Variants in ZNF431 observed in about 807,000 individuals in gnomAD.
The protein encoded by ZNF431 is zinc finger protein 431.
Under a neutral mutation model 57.0 loss-of-function variants are expected in ZNF431, and 34 were observed. That is an observed-to-expected ratio of 0.60 (90% CI 0.45 to 0.79). The LOEUF is 0.79. ZNF431 is among the 30% of genes least tolerant of loss of function. The pLI, the probability that ZNF431 is intolerant of heterozygous loss-of-function variation, is 0.00. For synonymous variants in ZNF431, 207 were observed against 220.3 expected, an observed-to-expected ratio of 0.94 and a Z score of 0.54; for missense variants, 607 against 667.1, an observed-to-expected ratio of 0.91 and a Z score of 0.99.
Position 21,192,742 on chromosome 19 carries a change from T to G in ZNF431, c.*8708T>G, listed in dbSNP as rs192754870. ...CAGTTTTTTTGGTTATATATGGCAT[T>G]TATTGGCTGAAGTGCATTTGTTCTA... On this transcript the variant is annotated 3_prime_UTR_variant, in exon 5 of 5. Transcript: ENST00000311048. 1 of 152,304 alleles carries G rather than the reference T, an allele frequency of 6.6e-6. No homozygotes were observed. Among genetic ancestry groups the G allele is most frequent in the African/African-American group, 2.4e-5 (1 of 41,558 alleles). 9.4% of individuals were successfully genotyped at this position (152,304 alleles called of 1,614,324 possible). A position where few individuals can be genotyped will look rare whatever the true frequency, so the allele number is the denominator to read the frequency against.
At chr19:21,159,506 G>A (rs2144970271) in intron 2 of ZNF431, among the ~76,000 whole-genome samples, 1 of 152,168 alleles carries the variant, frequency 6.6e-6, no homozygotes, top group Admixed American at 6.5e-5. Context: ...ACGAGTAGCT[G>A]GGACTACAGG....
intron 2 of ZNF431, among the ~76,000 whole-genome samples, chr19:21,148,327 A>G (rs1019248627): frequency 1.3e-5 from 2 of 152,178 alleles, no homozygotes; most frequent in Non-Finnish European, 2.9e-5. Flanking sequence ...AATCTATCCA[A>G]TTTTAATGTT....
In ZNF431 at chr19:21,183,310, T is replaced by A; in HGVS notation, c.1007T>A (p.Phe336Tyr). 4.3e-6 allele frequency: 7 copies of A among 1,613,534 alleles called. No individual in the cohort carries two copies. Among genetic ancestry groups the A allele is most frequent in the Non-Finnish European group, 5.9e-6 (7 of 1,179,824 alleles). ...TCTTCAACCCTTAGTACACATAAGT[T>A]CATTCATGCTGGAGAGAAACCCTAC... ...NQSSTLSTHKFIHAGEKPYKC... is the reference protein window; with the variant it reads ...NQSSTLSTHKYIHAGEKPYKC... Residue 336 changes from phenylalanine to tyrosine, a missense_variant, in exon 5 of 5, where the codon TTC becomes TAC. Coordinates refer to ENST00000311048, the MANE Select transcript of ZNF431 (RefSeq NM_133473.4).
intron 4 of ZNF431, among the ~76,000 whole-genome samples, chr19:21,169,392 C>T (rs1311647489): frequency 6.6e-6 from 1 of 152,008 alleles, no homozygotes; most frequent in Non-Finnish European, 1.5e-5. Flanking sequence ...TGACAATGGG[C>T]GCAATATAGT....
chr19:21,170,697 G>A (rs1970863065), intron 4 of ZNF431, among the ~76,000 whole-genome samples: 1 of 148,688 alleles, frequency 6.7e-6, no homozygotes, highest in South Asian at 2.1e-4. Context: ...TTTATGAGAT[G>A]GAGTGTCAAT....
chr19:21,149,547 G>A (rs1970206201), intron 2 of ZNF431: 1 of 209,120 alleles, frequency 4.8e-6, no homozygotes, highest in African/African-American at 2.4e-5. Context: ...AGAAGATTCA[G>A]TAGTTGTAAG....
intron 2 of ZNF431, among the ~76,000 whole-genome samples, chr19:21,165,738 C>G (rs986990311): frequency 4.6e-5 from 7 of 150,960 alleles, no homozygotes; most frequent in Non-Finnish European, 7.4e-5. Flanking sequence ...TTGCATGTGT[C>G]TGTCTTTGGA....
At chr19:21,158,071 C>A (rs748575529) in intron 2 of ZNF431, among the ~76,000 whole-genome samples, 10 of 151,936 alleles carry the variant, frequency 6.6e-5, no homozygotes, top group African/African-American at 2.4e-4. Flanking sequence ...TAGTTAACAG[C>A]GTTTTGGTAG....
In ZNF431 at chr19:21,184,138, T is replaced by G; in HGVS notation, c.*104T>G. ...AGGCTGAGGTGGGTGGATCACAAGG[T>G]CAAGAGATCGAGACCATCCTGGCCA... On this transcript the variant is annotated 3_prime_UTR_variant, in exon 5 of 5. Transcript: ENST00000311048. The G allele has an allele frequency of 1.0e-6, 1 of 1,001,200 alleles. No homozygotes were observed. The highest frequency in any genetic ancestry group is 1.4e-6 in the Non-Finnish European group (1 of 692,012). 62.0% of individuals were successfully genotyped at this position (1,001,200 alleles called of 1,614,324 possible).
At chr19:21,161,731 A>G (rs1970571796) in intron 2 of ZNF431, among the ~76,000 whole-genome samples, 1 of 151,448 alleles carries the variant, frequency 6.6e-6, no homozygotes, top group Admixed American at 6.6e-5. Context: ...TAGGCTCACT[A>G]CAACCTCCAC....
Position 21,193,844 on chromosome 19 carries a change from A to C in ZNF431, c.*9810A>C, listed in dbSNP as rs1237935780. ...ATTCAAGAAAATCCAGTATTCATTT[A>C]TGAAAATATTCTCTAAGCAATGATG... On this transcript the variant is annotated 3_prime_UTR_variant, in exon 5 of 5. Coordinates refer to ENST00000311048, the MANE Select transcript of ZNF431 (RefSeq NM_133473.4). 1 of 152,222 alleles carries C rather than the reference A, an allele frequency of 6.6e-6. No homozygotes were observed. The highest frequency in any genetic ancestry group is 2.4e-5 in the African/African-American group (1 of 41,462). 9.4% of individuals were successfully genotyped at this position (152,222 alleles called of 1,614,324 possible). A position where few individuals can be genotyped will look rare whatever the true frequency, so the allele number is the denominator to read the frequency against.
Position 21,185,009 on chromosome 19 carries a change from TAATA to T in ZNF431, c.*979_*982del, listed in dbSNP as rs1187754601. On this transcript the variant is annotated 3_prime_UTR_variant, in exon 5 of 5. Coordinates refer to ENST00000311048, the MANE Select transcript of ZNF431 (RefSeq NM_133473.4). Reference sequence around the variant, plus strand: ...TTTATATTGAAAAATTGTGCAAATATAATAAATTTGGAAAAACAATTTTTCAAAA... The same window carrying T: ...TTTATATTGAAAAATTGTGCAAATATAATTTGGAAAAACAATTTTTCAAAA... 1 of 152,152 alleles carries T rather than the reference TAATA, an allele frequency of 6.6e-6. No homozygotes were observed. Among genetic ancestry groups the T allele is most frequent in the Non-Finnish European group, 1.5e-5 (1 of 68,008 alleles). 9.4% of individuals were successfully genotyped at this position (152,152 alleles called of 1,614,324 possible).
rs1971424442 is a variant in ZNF431, at chr19:21,188,209, G to C, written c.*4175G>C. ...GGAGGTAGAGGTTGCGGTGAGCCGA[G>C]ACTGGGCCACTGCACTTCAGCCTGG... On this transcript the variant is annotated 3_prime_UTR_variant, in exon 5 of 5. Coordinates refer to ENST00000311048, the MANE Select transcript of ZNF431 (RefSeq NM_133473.4). The C allele has an allele frequency of 6.6e-6, 1 of 150,556 alleles. No homozygotes were observed. Among genetic ancestry groups the C allele is most frequent in the Non-Finnish European group, 1.5e-5 (1 of 67,976 alleles). The allele number at this position is 150,556 out of a possible 1,614,324, so 9.3% of individuals were successfully genotyped here. A position where few individuals can be genotyped will look rare whatever the true frequency, so the allele number is the denominator to read the frequency against.
At position 21,195,178 on chromosome 19, in the gene ZNF431, C is replaced by T. The variant is rs1971583144; in HGVS notation, c.*11144C>T. On this transcript the variant is annotated 3_prime_UTR_variant, in exon 5 of 5. Transcript: ENST00000311048. ...AATCGCAGATGTCAAATGGCCAACA[C>T]AGAATCTAACGACATGCTTAATACA... The T allele has an allele frequency of 6.6e-6, 1 of 152,230 alleles. No individual in the cohort carries two copies. The highest frequency in any genetic ancestry group is 6.5e-5 in the Admixed American group (1 of 15,274). The allele number at this position is 152,230 out of a possible 1,614,324, so 9.4% of individuals were successfully genotyped here.
chr19:21,182,482 T>C (rs1267694532), intron 4 of ZNF431, 141 bp from the exon 5 acceptor site: 1 of 950,066 alleles, frequency 1.1e-6, no homozygotes, highest in Non-Finnish European at 1.5e-6. Flanking sequence ...ATTAGATTTA[T>C]ATGTCTATGA....
intron 4 of ZNF431, among the ~76,000 whole-genome samples, chr19:21,178,605 G>A (rs1011576901): frequency 8.6e-5 from 13 of 151,980 alleles, no homozygotes; most frequent in African/African-American, 3.1e-4. Context: ...GAATTACATC[G>A]ATTTTTGTAT....
At chr19:21,156,139 C>T (rs1970409241) in intron 2 of ZNF431, among the ~76,000 whole-genome samples, 1 of 152,178 alleles carries the variant, frequency 6.6e-6, no homozygotes, top group Non-Finnish European at 1.5e-5. Flanking sequence ...TTGACAAAAA[C>T]CCACAAAAGT....
chr19:21,184,131 C>T lies in ZNF431; in HGVS notation c.*97C>T. 9.2e-7 allele frequency: 1 copy of T among 1,085,792 alleles called. No homozygotes were observed. 67.3% of individuals were successfully genotyped at this position (1,085,792 alleles called of 1,614,324 possible). The stretch of plus-strand genomic sequence containing the variant: ...TTTTGGGAGGCTGAGGTGGGTGGAT[C>T]ACAAGGTCAAGAGATCGAGACCATC... On this transcript the variant is annotated 3_prime_UTR_variant, in exon 5 of 5. Transcript: ENST00000311048.
intron 2 of ZNF431, among the ~76,000 whole-genome samples, chr19:21,155,722 A>G (rs142770430): frequency 2.8e-4 from 42 of 152,252 alleles, no homozygotes; most frequent in Non-Finnish European, 5.7e-4. Flanking sequence ...ATCAGGGTCT[A>G]TGCTGACTCT....
Sources: allele counts gnomAD v4.1 joint callset (sites outside exome capture counted in the v4.1 genomes callset), GRCh38; gene constraint gnomAD v4.1.1; transcripts MANE v1.5; gene names NCBI Gene and HGNC (gene_info 2026-07-23, HGNC 2026-07-21).